The following NUDT10 variants were observed in gnomAD, a reference collection of about 807,000 sequenced individuals.
NUDT10 encodes diphosphoinositol polyphosphate phosphohydrolase 3-alpha.
A neutral mutation model predicts 10.5 loss-of-function variants in NUDT10; 2 were observed. The ratio of observed to expected loss-of-function variants is 0.19; its 90% CI spans 0.08 to 0.60. The LOEUF (loss-of-function observed/expected upper bound fraction) is 0.60, where lower values mean the gene tolerates loss of function less well. Ranked by LOEUF, NUDT10 falls within the 20% of genes least tolerant of loss-of-function variation. The probability of loss-of-function intolerance (pLI) is 0.89; values close to 1 mark genes in which losing one functional copy is unlikely to be tolerated. For missense variants in NUDT10, 75 were observed against 149.5 expected (o/e 0.50, Z 2.60); for synonymous variants, 53 against 71.8 (o/e 0.74, Z 1.32).
At chrX:51,336,134 A>C in intron 1 of NUDT10, 105 bp from the exon 2 acceptor site, 1 of 469,026 alleles carries the variant, frequency 2.1e-6, no homozygotes, top group Non-Finnish European at 3.8e-6. Context: ...AGGCTTTTCC[A>C]ATTCAAAATG....
upstream of NUDT10, chrX:51,332,764 G>A (rs1922701912): frequency 1.7e-6 from 1 of 572,776 alleles, no homozygotes; most frequent in Admixed American, 4.3e-5. Flanking sequence ...GCTTGCCCCC[G>A]CCTCCGCCCG....
intron 1 of NUDT10, among the ~76,000 whole-genome samples, chrX:51,335,818 T>C (rs1922823861): frequency 8.9e-6 from 1 of 112,275 alleles, no homozygotes; most frequent in Admixed American, 9.4e-5. Context: ...GTTCCTTTTG[T>C]GGAAGCATCA....
chrX:51,334,282 G>A (rs1557312563), intron 1 of NUDT10, among the ~76,000 whole-genome samples: 2 of 112,031 alleles, frequency 1.8e-5, no homozygotes, highest in African/African-American at 3.2e-5. Flanking sequence ...CTAGCCAAAC[G>A]CATCTGATCA....
Position 51,332,888 on chromosome X carries a change from C to T in NUDT10, c.-78C>T. ...TCGGCCCTTTCTCTTCCCAGCACCT[C>T]GGCTGCTGCCCGGCAGCGGCAGCAG... On this transcript the variant is annotated 5_prime_UTR_variant, in exon 1 of 2. Coordinates refer to ENST00000356450, the MANE Select transcript of NUDT10 (RefSeq NM_001304963.2). The T allele has an allele frequency of 7.8e-6, 9 of 1,150,778 alleles. No homozygotes were observed. The highest frequency in any genetic ancestry group is 2.4e-4 in the Middle Eastern group (1 of 4,100). 94.8% of individuals were successfully genotyped at this position (1,150,778 alleles called of 1,213,427 possible).
chrX:51,335,402 G>A (rs1198382074), intron 1 of NUDT10, among the ~76,000 whole-genome samples: 3 of 109,699 alleles, frequency 2.7e-5, no homozygotes, highest in African/African-American at 1.0e-4. Context: ...AAAATTTGAA[G>A]ACGACATGTT....
chrX:51,333,610 CTG>C lies in NUDT10; in HGVS notation c.494+153_494+154del, dbSNP rs1408784253. Reference sequence around the variant, plus strand: ...AGACCCTCTGAATCACGCTTGCAAACTGTTGCCAGGCCCTGTTTTCAGTTGGC... The same window carrying C: ...AGACCCTCTGAATCACGCTTGCAAACTTGCCAGGCCCTGTTTTCAGTTGGC... On this transcript the variant is annotated intron_variant, in intron 1 of 1. Coordinates refer to ENST00000356450, the MANE Select transcript of NUDT10 (RefSeq NM_001304963.2). 4.3e-5 allele frequency: 36 copies of C among 840,953 alleles called. No homozygotes were observed. The East Asian group carries it at 1.2e-3, about 29-fold the overall frequency. The allele number at this position is 840,953 out of a possible 1,213,427, so 69.3% of individuals were successfully genotyped here.
At chrX:51,336,071 C>T (rs1224985180) in intron 1 of NUDT10, among the ~76,000 whole-genome samples, 168 bp from the exon 2 acceptor site, 1 of 112,013 alleles carries the variant, frequency 8.9e-6, no homozygotes, top group African/African-American at 3.3e-5. Flanking sequence ...ATCTGTTATT[C>T]CCTCAGGCTC....
Position 51,333,009 on chromosome X carries a change from G to A in NUDT10, c.44G>A (p.Gly15Glu), listed in dbSNP as rs781783705. Residue 15 changes from glycine to glutamate, a missense_variant, in exon 1 of 2, where the codon GGG becomes GAG. Physicochemically the swap from Gly to Glu is moderately conservative, Grantham distance 98. Transcript: ENST00000356450. ...CAGACACGGACCTACGACCCCGAGG[G>A]GTTCAAGAAGCGGGCGGCGTGCCTG... ...PNQTRTYDPE[G>E]FKKRAACLCF... 8.3e-7 allele frequency: 1 copy of A among 1,209,652 alleles called. No homozygotes were observed. Among genetic ancestry groups the A allele is most frequent in the Non-Finnish European group, 1.1e-6 (1 of 895,080 alleles).
rs1557312330 is a variant in NUDT10 at position 51,333,142 on chromosome X, C to T, written c.177C>T (p.Gly59=). The change falls in exon 1 of 2, where the codon GGC becomes GGT. Residue 59 remains glycine, a synonymous_variant. Coordinates refer to ENST00000356450, the MANE Select transcript of NUDT10 (RefSeq NM_001304963.2). ...GCATGGAGCCCGAGGAGGAGCCGGGCGGTGCGGCGGTCCGAGAGGTGTACG... is the reference window on the plus strand; with the variant it reads ...GCATGGAGCCCGAGGAGGAGCCGGGTGGTGCGGCGGTCCGAGAGGTGTACG... The part of the protein sequence containing the change: ...GGGMEPEEEP[G]GAAVREVYEE... The T allele has an allele frequency of 8.3e-7, 1 of 1,210,256 alleles. No individual in the cohort carries two copies. Among genetic ancestry groups the T allele is most frequent in the Admixed American group, 2.2e-5 (1 of 45,978 alleles).
chrX:51,332,771 C>T (rs1557312187), upstream of NUDT10: 7 of 631,678 alleles, frequency 1.1e-5, no homozygotes, highest in Admixed American at 2.1e-4. Flanking sequence ...CCCGCCTCCG[C>T]CCGTGCCCCG....
intron 1 of NUDT10, 58 bp from the exon 2 acceptor site, chrX:51,336,181 T>C: frequency 1.8e-6 from 1 of 546,229 alleles, no homozygotes; most frequent in Non-Finnish European, 3.3e-6. Flanking sequence ...TAAGTATTTG[T>C]TGATTAGAGG....
Position 51,336,292 on chromosome X carries a change from T to C in NUDT10, c.*53T>C. ...ACTTTGAAAGAATCAAGTATGTGAA[T>C]GGATGGATGAATGGAATTGTGAAGC... is the stretch of plus-strand genomic sequence containing the variant. On this transcript the variant is annotated 3_prime_UTR_variant, in exon 2 of 2. Transcript: ENST00000356450. 1 of 558,222 alleles carries C rather than the reference T, an allele frequency of 1.8e-6. No individual in the cohort carries two copies. Among genetic ancestry groups the C allele is most frequent in the Non-Finnish European group, 3.3e-6 (1 of 303,929 alleles). The allele number at this position is 558,222 out of a possible 1,213,427, so 46.0% of individuals were successfully genotyped here.
chrX:51,333,958 TGAG>T (rs1271798307), intron 1 of NUDT10, among the ~76,000 whole-genome samples: 8 of 111,065 alleles, frequency 7.2e-5, no homozygotes, highest in Non-Finnish European at 1.5e-4. Flanking sequence ...TTTTTTCCCT[TGAG>T]TTGTTTTCTC....
At chrX:51,334,002 G>T (rs1557312532) in intron 1 of NUDT10, among the ~76,000 whole-genome samples, 1 of 110,884 alleles carries the variant, frequency 9.0e-6, no homozygotes, top group Non-Finnish European at 1.9e-5. Flanking sequence ...TTGTCAGGGA[G>T]GCCTTCTGTG....
Position 51,333,054 on chromosome X carries a change from A to G in NUDT10, c.89A>G (p.Glu30Gly), listed in dbSNP as rs1602070658. 11 of 1,210,688 alleles carry G rather than the reference A, an allele frequency of 9.1e-6. No homozygotes were observed. Among genetic ancestry groups the G allele is most frequent in the Non-Finnish European group, 1.0e-5 (9 of 895,052 alleles). ...AACLCFRSER[E>G]DEVLLVSSSR... is the part of the protein sequence containing the mutation. The stretch of plus-strand genomic sequence containing the variant: ...TGCCTGTGCTTCCGGAGCGAGCGCG[A>G]GGACGAGGTCCTGTTAGTGAGTAGC... Residue 30 changes from glutamate to glycine, a missense_variant, in exon 1 of 2, where the codon GAG (glutamate) becomes GGG (glycine). By Grantham distance (98) the Glu-to-Gly change is moderately conservative (BLOSUM62 -2). Transcript: ENST00000356450.
At chrX:51,335,948 C>T (rs1557312698) in intron 1 of NUDT10, among the ~76,000 whole-genome samples, 1 of 112,135 alleles carries the variant, frequency 8.9e-6, no homozygotes, top group Non-Finnish European at 1.9e-5. Context: ...TCCCCCATAT[C>T]CTCAGAGCCT....
Position 51,336,770 on chromosome X carries a change from T to C in NUDT10, c.*531T>C, listed in dbSNP as rs1023388654. ...CTATGTCTGTGTCATCCCAGATGTG[T>C]GCCTCCAGATGGCAGTATACTACAC... On this transcript the variant is annotated 3_prime_UTR_variant, in exon 2 of 2. Coordinates refer to ENST00000356450, the MANE Select transcript of NUDT10 (RefSeq NM_001304963.2). 8.9e-6 allele frequency: 1 copy of C among 112,075 alleles called. No individual in the cohort carries two copies. The highest frequency in any genetic ancestry group is 1.9e-5 in the Non-Finnish European group (1 of 53,330). 9.2% of individuals were successfully genotyped at this position (112,075 alleles called of 1,213,427 possible). A position where few individuals can be genotyped will look rare whatever the true frequency, so the allele number is the denominator to read the frequency against.
chrX:51,333,506 T>G (rs782178642), intron 1 of NUDT10, 47 bp downstream of exon 1: 2 of 1,188,394 alleles, frequency 1.7e-6, no homozygotes, highest in East Asian at 3.0e-5. Context: ...TCTGCCTTGC[T>G]TAAAATGCAT....
rs1326092005 is a variant in NUDT10, at chrX:51,333,601, G to A, written c.494+142G>A. 1.5e-5 allele frequency: 13 copies of A among 889,663 alleles called. No homozygotes were observed. The Admixed American group carries it at 5.1e-4, about 35-fold the overall frequency. 73.3% of individuals were successfully genotyped at this position (889,663 alleles called of 1,213,427 possible). A position where few individuals can be genotyped will look rare whatever the true frequency, so the allele number is the denominator to read the frequency against. Reference sequence around the variant, plus strand: ...TTCCTTGGCAGACCCTCTGAATCACGCTTGCAAACTGTTGCCAGGCCCTGT... The same window carrying A: ...TTCCTTGGCAGACCCTCTGAATCACACTTGCAAACTGTTGCCAGGCCCTGT... On this transcript the variant is annotated intron_variant, in intron 1 of 1. Transcript: ENST00000356450.
Sources: allele counts gnomAD v4.1 joint callset (sites outside exome capture counted in the v4.1 genomes callset), GRCh38; gene constraint gnomAD v4.1.1; transcripts MANE v1.5; gene names NCBI Gene and HGNC (gene_info 2026-07-23, HGNC 2026-07-21).